Variants in ADAMTS5 observed in about 807,000 individuals in gnomAD.
ADAMTS5 encodes A disintegrin and metalloproteinase with thrombospondin motifs 5.
Under a neutral mutation model 81.4 loss-of-function variants are expected in ADAMTS5, and 54 were observed. That is an observed-to-expected ratio of 0.66 (90% CI 0.53 to 0.83). The LOEUF is 0.83. ADAMTS5 is among the 40% of genes least tolerant of loss of function. ADAMTS5 has a pLI of 0.00. For synonymous variants in ADAMTS5, 532 were observed against 508.8 expected (o/e 1.05, Z -0.61); for missense variants, 1,194 against 1,229.9 (o/e 0.97, Z 0.44).
chr21:26,965,653 C>T lies in ADAMTS5; in HGVS notation c.739G>A (p.Ala247Thr), dbSNP rs868501095. 6.3e-7 allele frequency: 1 copy of T among 1,593,192 alleles called. No individual in the cohort carries two copies. The highest frequency in any genetic ancestry group is 1.7e-5 in the Admixed American group (1 of 58,118). ...QLLDQSALSP[A>T]GGSGPQTWWR... Reference sequence around the variant, plus strand: ...CACGTCTGCGGTCCTGAGCCCCCAGCGGGCGAGAGAGCGGACTGGTCCAAG... The same window carrying T: ...CACGTCTGCGGTCCTGAGCCCCCAGTGGGCGAGAGAGCGGACTGGTCCAAG... The change falls in exon 1 of 8, where the codon GCT (alanine) becomes ACT (threonine). Residue 247 changes from alanine to threonine, a missense_variant. Transcript: ENST00000284987.
intron 1 of ADAMTS5, 131 bp from the exon 2 acceptor site, chr21:26,955,002 G>A: frequency 1.8e-6 from 2 of 1,141,522 alleles, no homozygotes; most frequent in Non-Finnish European, 2.4e-6. Context: ...CTCTGGAAAC[G>A]TTCCAAAGGC....
chr21:26,945,116 T>A (rs1987189055), intron 2 of ADAMTS5, among the ~76,000 whole-genome samples: 1 of 151,182 alleles, frequency 6.6e-6, no homozygotes, highest in African/African-American at 2.4e-5. Context: ...TTTTGAGTGG[T>A]TTGTTGAGTT....
intron 5 of ADAMTS5, 40 bp from the exon 6 acceptor site, chr21:26,932,219 T>G (rs753574485): frequency 6.3e-7 from 1 of 1,579,456 alleles, no homozygotes; most frequent in South Asian, 1.2e-5. Flanking sequence ...TTATCAGTTC[T>G]GAAACTTAGA....
intron 1 of ADAMTS5, among the ~76,000 whole-genome samples, chr21:26,960,615 CA>C (rs1354969590): frequency 2.6e-5 from 4 of 152,166 alleles, no homozygotes; most frequent in African/African-American, 9.7e-5. Context: ...AGAGAGCCCT[CA>C]CTAGAAATCA....
chr21:26,965,255 G>C (rs1464884940), intron 1 of ADAMTS5, 33 bp downstream of exon 1: 1 of 1,582,180 alleles, frequency 6.3e-7, no homozygotes, highest in African/African-American at 1.3e-5. Flanking sequence ...CCTGATATCA[G>C]CGCTGGGACC....
intron 2 of ADAMTS5, among the ~76,000 whole-genome samples, chr21:26,951,821 G>A (rs546663250): frequency 2.0e-5 from 3 of 151,538 alleles, no homozygotes; most frequent in East Asian, 1.9e-4. Context: ...AATACAGCAC[G>A]GGAAACAAAC....
At chr21:26,935,305 C>T (rs556129167) in intron 3 of ADAMTS5, among the ~76,000 whole-genome samples, 2 of 152,158 alleles carry the variant, frequency 1.3e-5, no homozygotes, top group African/African-American at 2.4e-5. Context: ...TACAGTCACT[C>T]GACAAGCATT....
In ADAMTS5 at chr21:26,923,888, C is replaced by G; in HGVS notation, c.*165G>C. The G allele has an allele frequency of 5.8e-6, 4 of 686,824 alleles. No individual in the cohort carries two copies. Among genetic ancestry groups the G allele is most frequent in the Non-Finnish European group, 9.4e-6 (4 of 425,020 alleles). The allele number at this position is 686,824 out of a possible 1,614,324, so 42.5% of individuals were successfully genotyped here. On this transcript the variant is annotated 3_prime_UTR_variant, in exon 8 of 8. Coordinates refer to ENST00000284987, the MANE Select transcript of ADAMTS5 (RefSeq NM_007038.5). ...CACCACTGTCACGTGAAGCAGTGCA[C>G]ATCCTCTTTTGGTCACAGAGAGCAG...
Position 26,924,107 on chromosome 21 carries a change from A to G in ADAMTS5, c.2739T>C (p.Cys913=), listed in dbSNP as rs1372704639. ...ACGCAGAAGGCCTTTGGGAGAGAGGACATCCTTTTGCTAACTTCCGGTTTC... is the reference window on the plus strand; with the variant it reads ...ACGCAGAAGGCCTTTGGGAGAGAGGGCATCCTTTTGCTAACTTCCGGTTTC... ...QDGNRKLAKG[C]PLSQRPSAFK... The change falls in exon 8 of 8, where the codon TGT becomes TGC. Residue 913 remains cysteine, a synonymous_variant. Coordinates refer to ENST00000284987, the MANE Select transcript of ADAMTS5 (RefSeq NM_007038.5). 1.9e-6 allele frequency: 3 copies of G among 1,611,684 alleles called. No homozygotes were observed. Among genetic ancestry groups the G allele is most frequent in the Non-Finnish European group, 2.5e-6 (3 of 1,178,000 alleles).
chr21:26,934,481 CTTGGTT>C lies in ADAMTS5; in HGVS notation c.1668_1673del (p.Thr557_Lys558del). On this transcript the variant is annotated inframe_deletion, in exon 4 of 8. Transcript: ENST00000284987. ...AATCACTTACTGAATAATATTTTTTCTTGGTTTTGTCCACACATTTGCCCTGCAGGC... is the reference window on the plus strand; with the variant it reads ...AATCACTTACTGAATAATATTTTTTCTTGTCCACACATTTGCCCTGCAGGC... 1 of 1,613,960 alleles carries C rather than the reference CTTGGTT, an allele frequency of 6.2e-7. No homozygotes were observed. Among genetic ancestry groups the C allele is most frequent in the Non-Finnish European group, 8.5e-7 (1 of 1,179,990 alleles).
chr21:26,940,316 T>C (rs1229944769), intron 3 of ADAMTS5, among the ~76,000 whole-genome samples: 1 of 152,228 alleles, frequency 6.6e-6, no homozygotes, highest in East Asian at 1.9e-4. Context: ...ATTGCTTTTC[T>C]GCCTTTATAC....
At chr21:26,933,792 C>G (rs933387659) in intron 4 of ADAMTS5, among the ~76,000 whole-genome samples, 1 of 152,146 alleles carries the variant, frequency 6.6e-6, no homozygotes, top group East Asian at 1.9e-4. Context: ...GTCAGGTTAT[C>G]TGATGATGAA....
At chr21:26,935,411 C>T (rs1170877000) in intron 3 of ADAMTS5, among the ~76,000 whole-genome samples, 1 of 152,076 alleles carries the variant, frequency 6.6e-6, no homozygotes, top group Non-Finnish European at 1.5e-5. Context: ...AATAAAGTCA[C>T]AGAGATAAAG....
In ADAMTS5 at chr21:26,922,868, T is replaced by C. The variant is rs899791091; in HGVS notation, c.*1185A>G. 1.1e-4 allele frequency: 17 copies of C among 152,608 alleles called. 1 individual carries two copies. Among genetic ancestry groups the C allele is most frequent in the African/African-American group, 3.9e-4 (16 of 41,454 alleles). 9.5% of individuals were successfully genotyped at this position (152,608 alleles called of 1,614,324 possible). ...AAACAGTCTTATTAATATTAACCAC[T>C]TTTTGGCATTAACCACATTAACAAT... On this transcript the variant is annotated 3_prime_UTR_variant, in exon 8 of 8. Transcript: ENST00000284987.
chr21:26,932,894 G>A lies in ADAMTS5; in HGVS notation c.1840C>T (p.Arg614Cys), dbSNP rs766605731. 9 of 1,613,454 alleles carry A rather than the reference G, an allele frequency of 5.6e-6. No homozygotes were observed. The highest frequency in any genetic ancestry group is 4.0e-5 in the African/African-American group (3 of 74,860). ...RYCTGKRAIY[R>C]SCSLMPCPPN... is the part of the protein sequence containing the mutation. ...GGGCAGGGCATGAGACTGCAGGAGC[G>A]GTAGATGGCCCTCTTCCCTGTGCAG... The change falls in exon 5 of 8, where the codon CGC becomes TGC. Residue 614 changes from arginine to cysteine, a missense_variant. Around this residue, in one of 2 missense-constraint regions of ADAMTS5, gnomAD observed 696 missense variants for 817.6 expected, o/e 0.85. Transcript: ENST00000284987.
At chr21:26,924,744 A>G in intron 7 of ADAMTS5, 124 bp from the exon 8 acceptor site, 1 of 830,262 alleles carries the variant, frequency 1.2e-6, no homozygotes, top group South Asian at 1.8e-5. Flanking sequence ...CTCTTAACAC[A>G]CAGTTTTAAT....
intron 2 of ADAMTS5, among the ~76,000 whole-genome samples, chr21:26,949,745 A>G (rs111326311): frequency 6.6e-6 from 1 of 152,188 alleles, no homozygotes; most frequent in Non-Finnish European, 1.5e-5. Context: ...CCCACATTTT[A>G]TTTGGGGGCC....
chr21:26,948,346 G>A (rs887689747), intron 2 of ADAMTS5, among the ~76,000 whole-genome samples: 1 of 152,156 alleles, frequency 6.6e-6, no homozygotes, highest in Non-Finnish European at 1.5e-5. Context: ...CTGACCAATG[G>A]TCAAGGGGAC....
At chr21:26,944,164 T>C (rs1020677313) in intron 2 of ADAMTS5, among the ~76,000 whole-genome samples, 1 of 152,230 alleles carries the variant, frequency 6.6e-6, no homozygotes, top group Non-Finnish European at 1.5e-5. Context: ...CATCCGTTCA[T>C]TTCTTTTGGT....
Sources: allele counts gnomAD v4.1 joint callset (sites outside exome capture counted in the v4.1 genomes callset), GRCh38; gene constraint gnomAD v4.1.1; regional missense constraint gnomAD v4.1.1; transcripts MANE v1.5; gene names NCBI Gene and HGNC (gene_info 2026-07-23, HGNC 2026-07-21).